Variants in CBFA2T2 observed in about 807,000 individuals in gnomAD.
The protein encoded by CBFA2T2 is protein CBFA2T2.
Under a neutral mutation model 62.2 loss-of-function variants are expected in CBFA2T2, and 11 were observed. That is an observed-to-expected ratio of 0.18 (90% CI 0.11 to 0.29). The LOEUF (loss-of-function observed/expected upper bound fraction) is 0.29. Among genes scored for constraint, CBFA2T2 ranks in the 10% least tolerant of loss-of-function variants. CBFA2T2 has a pLI of 1.00. For synonymous variants in CBFA2T2, 295 were observed against 287.5 expected, an observed-to-expected ratio of 1.03 and a Z score of -0.27; for missense variants, 592 against 774.1, an observed-to-expected ratio of 0.76 and a Z score of 2.79.
rs1342289639 is a variant in CBFA2T2 at position 33,644,487 on chromosome 20, C to T, written c.1629C>T (p.Pro543=). 1.9e-6 allele frequency: 3 copies of T among 1,614,086 alleles called. No homozygotes were observed. Among genetic ancestry groups the T allele is most frequent in the Non-Finnish European group, 8.5e-7 (1 of 1,180,054 alleles). Residue 543 remains proline (P), a synonymous_variant, in exon 11 of 11, where the codon CCC becomes CCT. Coordinates refer to ENST00000342704, the MANE Select transcript of CBFA2T2 (RefSeq NM_001032999.3). Reference sequence around the variant, plus strand: ...GTCAGAACCTGCATGGCCAGAGCCCCCACGGCCAGGGCCGGCCGCTGCTTC... The same window carrying T: ...GTCAGAACCTGCATGGCCAGAGCCCTCACGGCCAGGGCCGGCCGCTGCTTC... ...LCGQNLHGQS[P]HGQGRPLLPV...
chr20:33,623,017 G>C, intron 4 of CBFA2T2, 98 bp from the exon 5 acceptor site: 1 of 1,132,728 alleles, frequency 8.8e-7, no homozygotes, highest in South Asian at 1.4e-5. Context: ...GGAGAGAAAG[G>C]CTTTTATCTT....
chr20:33,604,403 G>A (rs528167775), intron 1 of CBFA2T2, among the ~76,000 whole-genome samples: 1 of 152,258 alleles, frequency 6.6e-6, no homozygotes, highest in African/African-American at 2.4e-5. Flanking sequence ...AAATGAATTG[G>A]TGAAATTCAC....
intron 1 of CBFA2T2, among the ~76,000 whole-genome samples, chr20:33,526,391 C>T (rs568498709): frequency 1.3e-5 from 2 of 152,268 alleles, no homozygotes; most frequent in African/African-American, 4.8e-5. Flanking sequence ...CGTGTGTTTT[C>T]CTCTAGGAGC....
At chr20:33,586,441 A>G (rs1764926507) in intron 1 of CBFA2T2, among the ~76,000 whole-genome samples, 1 of 151,752 alleles carries the variant, frequency 6.6e-6, no homozygotes, top group Non-Finnish European at 1.5e-5. Context: ...GCCTATTATC[A>G]TTGTTATCTC....
Position 33,619,623 on chromosome 20 carries a change from T to C in CBFA2T2, c.510+17T>C, listed in dbSNP as rs778989722. The stretch of plus-strand genomic sequence containing the variant: ...TTTCTCAAGGTAATTTGATAATTAC[T>C]GAATATAATTTATCTTGAATATTTC... On this transcript the variant is annotated intron_variant, in intron 4 of 10. Coordinates refer to ENST00000342704, the MANE Select transcript of CBFA2T2 (RefSeq NM_001032999.3). The C allele has an allele frequency of 2.7e-6, 4 of 1,482,080 alleles. No homozygotes were observed. 91.8% of individuals were successfully genotyped at this position (1,482,080 alleles called of 1,614,324 possible). A position where few individuals can be genotyped will look rare whatever the true frequency, so the allele number is the denominator to read the frequency against.
At chr20:33,535,457 T>G (rs1323721199) in intron 1 of CBFA2T2, among the ~76,000 whole-genome samples, 2 of 150,094 alleles carry the variant, frequency 1.3e-5, no homozygotes, top group Non-Finnish European at 3.0e-5. Flanking sequence ...CTTATTTATC[T>G]TACAAGCCTG....
intron 1 of CBFA2T2, 29 bp downstream of exon 1, chr20:33,490,330 A>AG (rs2011137223): frequency 3.1e-6 from 4 of 1,276,612 alleles, no homozygotes; most frequent in South Asian, 3.3e-5. Flanking sequence ...CGGGCGGCCG[A>AG]GGGGGGCGTG....
intron 10 of CBFA2T2, among the ~76,000 whole-genome samples, chr20:33,642,157 TGTGTGTGG>T (rs1400899649): frequency 1.4e-5 from 2 of 141,702 alleles, no homozygotes; most frequent in African/African-American, 5.2e-5. Flanking sequence ...TGTGTGTGTG[TGTGTGTGG>T]ATAACAGGGT....
rs556616214 is a variant in CBFA2T2, at chr20:33,543,530, G to C, written c.34+53229G>C. ...TCAAAGAAGTGGGGGAGATGAACAC[G>C]TACTAGAGAACCTGGAAAGCCTCCA... On this transcript the variant is annotated intron_variant, in intron 1 of 10. Coordinates refer to ENST00000342704, the MANE Select transcript of CBFA2T2 (RefSeq NM_001032999.3). Among the ~76,000 whole-genome samples the C allele has an allele frequency of 3.3e-5, 5 of 152,164 alleles. No homozygotes were observed. The East Asian group carries it at 7.7e-4, about 23-fold the overall frequency.
chr20:33,611,064 C>T, intron 2 of CBFA2T2, 30 bp from the exon 3 acceptor site: 1 of 1,612,012 alleles, frequency 6.2e-7, no homozygotes, highest in East Asian at 2.2e-5. Context: ...TTACACGTAA[C>T]CTGAGTCTTT....
intron 2 of CBFA2T2, among the ~76,000 whole-genome samples, chr20:33,609,976 T>A (rs2122295461): frequency 6.6e-6 from 1 of 152,302 alleles, no homozygotes; most frequent in South Asian, 2.1e-4. Context: ...GATTTTTACT[T>A]GATGCCAACA....
intron 1 of CBFA2T2, among the ~76,000 whole-genome samples, chr20:33,494,116 AGTGATCCACCCGCCTTGGC>A (rs1201298810): frequency 1.3e-5 from 2 of 150,588 alleles, no homozygotes; most frequent in African/African-American, 4.9e-5. Context: ...CCTGACCTAA[AGTGATCCACCCGCCTTGGC>A]ATCCCAAAAT....
At chr20:33,614,875 C>T (rs1390657429) in intron 3 of CBFA2T2, among the ~76,000 whole-genome samples, 2 of 152,294 alleles carry the variant, frequency 1.3e-5, no homozygotes, top group Admixed American at 6.5e-5. Flanking sequence ...AAACTGTTTG[C>T]CATCCAGGGT....
chr20:33,592,090 C>G (rs1037250242), intron 1 of CBFA2T2, among the ~76,000 whole-genome samples: 23 of 152,086 alleles, frequency 1.5e-4, no homozygotes, highest in African/African-American at 5.3e-4. Context: ...AGGCCGGGCC[C>G]AGTGGCTCAT....
intron 1 of CBFA2T2, among the ~76,000 whole-genome samples, chr20:33,551,734 A>G (rs1307437301): frequency 6.7e-6 from 1 of 148,308 alleles, no homozygotes; most frequent in South Asian, 2.2e-4. Context: ...GTTTCACCAT[A>G]TTGGCCAGGC....
chr20:33,600,168 A>C (rs2122266903), intron 1 of CBFA2T2, among the ~76,000 whole-genome samples: 1 of 120,846 alleles, frequency 8.3e-6, no homozygotes, highest in East Asian at 2.4e-4. Flanking sequence ...AGTTAGAATT[A>C]TCACTTTTGG....
At chr20:33,615,630 ATAAT>A (rs2015678222) in intron 3 of CBFA2T2, among the ~76,000 whole-genome samples, 1 of 152,154 alleles carries the variant, frequency 6.6e-6, no homozygotes, top group Non-Finnish European at 1.5e-5. Flanking sequence ...TAAAACAAAA[ATAAT>A]TAGAGTCTTC....
chr20:33,559,676 C>T lies in CBFA2T2; in HGVS notation c.35-47280C>T, dbSNP rs376457763. Among the ~76,000 whole-genome samples the T allele has an allele frequency of 5.9e-5, 9 of 152,050 alleles. No individual in the cohort carries two copies. The South Asian group carries it at 6.2e-4, about 10-fold the overall frequency. On this transcript the variant is annotated intron_variant, in intron 1 of 10. Coordinates refer to ENST00000342704, the MANE Select transcript of CBFA2T2 (RefSeq NM_001032999.3). Reference sequence around the variant, plus strand: ...TAATTTTTGTATTTTTTAGTAGAGGCGGGGTTTCACCGTGTTGGCTAGGAT... The same window carrying T: ...TAATTTTTGTATTTTTTAGTAGAGGTGGGGTTTCACCGTGTTGGCTAGGAT...
chr20:33,580,150 T>G (rs1208206401), intron 1 of CBFA2T2, among the ~76,000 whole-genome samples: 1 of 152,144 alleles, frequency 6.6e-6, no homozygotes, highest in African/African-American at 2.4e-5. Context: ...TGCAGAGATA[T>G]TCTTGAATTT....
Sources: gnomAD v4.1 joint callset for allele counts (sites outside exome capture counted in the v4.1 genomes callset) on GRCh38, gnomAD v4.1.1 for gene constraint, MANE v1.5 for transcripts, NCBI Gene and HGNC (gene_info 2026-07-23, HGNC 2026-07-21) for gene names.